Variants in SEC23IP observed in about 807,000 individuals in gnomAD.
SEC23IP encodes the protein SEC23-interacting protein.
A neutral mutation model predicts 113.4 loss-of-function variants in SEC23IP; 70 were observed. The observed-to-expected ratio is 0.62, with a 90% CI of 0.51 to 0.75. The LOEUF (loss-of-function observed/expected upper bound fraction) is 0.75, where lower values mean the gene tolerates loss of function less well. SEC23IP is among the 30% of genes least tolerant of loss of function. The probability of loss-of-function intolerance (pLI) is 0.00; values close to 1 mark genes in which losing one functional copy is unlikely to be tolerated. For missense variants in SEC23IP, 1,160 were observed against 1,204.9 expected (o/e 0.96, Z 0.55); for synonymous variants, 398 against 421.0 (o/e 0.95, Z 0.67).
chr10:119,892,814 G>A lies in SEC23IP; in HGVS notation c.32G>A (p.Gly11Asp). 7 of 1,612,716 alleles carry A rather than the reference G, an allele frequency of 4.3e-6. No homozygotes were observed. Among genetic ancestry groups the A allele is most frequent in the African/African-American group, 1.3e-5 (1 of 75,066 alleles). The change falls in exon 1 of 19, where the codon GGC becomes GAC. Residue 11 changes from glycine to aspartate, a missense_variant. Transcript: ENST00000369075. ...GAGAGAAAACCTAACGGTGGCAGCG[G>A]CGGCGCCTCCACTTCCTCATCGGGC... MAERKPNGGS[G>D]GASTSSSGTN...
Position 119,943,434 on chromosome 10 carries a change from T to A in SEC23IP, c.*2869T>A, listed in dbSNP as rs965500797. Reference sequence around the variant, plus strand: ...GGGTTAACCCCATCTCTACTAAAAATAAAAAAAATTAGCTGGGCATGGTGG... The same window carrying A: ...GGGTTAACCCCATCTCTACTAAAAAAAAAAAAAATTAGCTGGGCATGGTGG... On this transcript the variant is annotated 3_prime_UTR_variant, in exon 19 of 19. Transcript: ENST00000369075. 6 of 151,724 alleles carry A rather than the reference T, an allele frequency of 4.0e-5. No individual in the cohort carries two copies. Among genetic ancestry groups the A allele is most frequent in the African/African-American group, 1.2e-4 (5 of 41,288 alleles). The allele number at this position is 151,724 out of a possible 1,614,324, so 9.4% of individuals were successfully genotyped here.
chr10:119,906,034 G>A (rs1854651902), intron 4 of SEC23IP, among the ~76,000 whole-genome samples: 1 of 151,976 alleles, frequency 6.6e-6, no homozygotes, highest in Non-Finnish European at 1.5e-5. Context: ...CCAGCACTCT[G>A]GGAGGCCAAG....
intron 8 of SEC23IP, among the ~76,000 whole-genome samples, chr10:119,916,420 AT>A (rs1855054899): frequency 6.6e-6 from 1 of 152,192 alleles, no homozygotes; most frequent in African/African-American, 2.4e-5. Context: ...ACTCTGCTCA[AT>A]TTTGAATGCT....
Position 119,932,232 on chromosome 10 carries a change from C to G in SEC23IP, c.2672C>G (p.Ala891Gly). 1.2e-6 allele frequency: 2 copies of G among 1,613,644 alleles called. No individual in the cohort carries two copies. The highest frequency in any genetic ancestry group is 1.1e-5 in the South Asian group (1 of 91,074). The change falls in exon 16 of 19, where the codon GCT (alanine) becomes GGT (glycine). Residue 891 changes from alanine (A) to glycine (G), a missense_variant. Transcript: ENST00000369075. ...AWQTLNEFAR[A>G]HTSSTQLQEE... ...CAGACATTAAATGAGTTTGCCCGTG[C>G]TCATACGTCTTCAACCCAGTTGCAA...
In SEC23IP at chr10:119,930,365, G is replaced by A. The variant is rs920112589; in HGVS notation, c.2506G>A (p.Val836Ile). The change falls in exon 15 of 19, where the codon GTT becomes ATT. Residue 836 changes from valine to isoleucine, a missense_variant. Coordinates refer to ENST00000369075, the MANE Select transcript of SEC23IP (RefSeq NM_007190.4). ...GGCATATAGATTAGAACCTATGATT[G>A]TTCCAGATTTGGACCTAAAAGCTGT... ...PVAYRLEPMI[V>I]PDLDLKAVLI... 1 of 1,610,492 alleles carries A rather than the reference G, an allele frequency of 6.2e-7. No homozygotes were observed. Among genetic ancestry groups the A allele is most frequent in the Non-Finnish European group, 8.5e-7 (1 of 1,177,268 alleles).
At chr10:119,910,247 G>A (rs2253818) in intron 5 of SEC23IP, among the ~76,000 whole-genome samples, 41 of 152,230 alleles carry the variant, frequency 2.7e-4, no homozygotes, top group Middle Eastern at 3.4e-3. Context: ...AAGTAAAAAT[G>A]TGTCCTTTTT....
intron 11 of SEC23IP, among the ~76,000 whole-genome samples, chr10:119,919,801 GA>G (rs1227229589): frequency 1.3e-5 from 2 of 151,990 alleles, no homozygotes; most frequent in Non-Finnish European, 2.9e-5. Flanking sequence ...AGCCATCAAA[GA>G]AAAAAATTGT....
At chr10:119,929,892 T>C in intron 14 of SEC23IP, 130 bp downstream of exon 14, 1 of 599,856 alleles carries the variant, frequency 1.7e-6, no homozygotes, top group Non-Finnish European at 2.9e-6. Flanking sequence ...CAAGTGATCC[T>C]TCCATCACAG....
At position 119,932,239 on chromosome 10, in the gene SEC23IP, G is replaced by A. The variant is rs771952585; in HGVS notation, c.2679G>A (p.Thr893=). The A allele has an allele frequency of 9.3e-6, 15 of 1,613,708 alleles. No individual in the cohort carries two copies. Among genetic ancestry groups the A allele is most frequent in the African/African-American group, 5.3e-5 (4 of 74,900 alleles). ...TAAATGAGTTTGCCCGTGCTCATAC[G>A]TCTTCAACCCAGTTGCAAGAAGAAT... ...QTLNEFARAH[T]SSTQLQEELE... The change falls in exon 16 of 19, where the codon ACG becomes ACA. Residue 893 remains threonine (T), a synonymous_variant. Coordinates refer to ENST00000369075, the MANE Select transcript of SEC23IP (RefSeq NM_007190.4).
At position 119,942,855 on chromosome 10, in the gene SEC23IP, A is replaced by G. The variant is rs1855999896; in HGVS notation, c.*2290A>G. 1 of 152,228 alleles carries G rather than the reference A, an allele frequency of 6.6e-6. No homozygotes were observed. Among genetic ancestry groups the G allele is most frequent in the Non-Finnish European group, 1.5e-5 (1 of 68,046 alleles). 9.4% of individuals were successfully genotyped at this position (152,228 alleles called of 1,614,324 possible). ...GCATGTTTTCTCAAAACCACAGTAT[A>G]AGACAAGGAAACTGCACAGATTCGA... is the stretch of plus-strand genomic sequence containing the variant. On this transcript the variant is annotated 3_prime_UTR_variant, in exon 19 of 19. Coordinates refer to ENST00000369075, the MANE Select transcript of SEC23IP (RefSeq NM_007190.4).
In SEC23IP at chr10:119,898,556, A is replaced by G; in HGVS notation, c.293A>G (p.Gln98Arg). 1 of 1,614,202 alleles carries G rather than the reference A, an allele frequency of 6.2e-7. No individual in the cohort carries two copies. Among genetic ancestry groups the G allele is most frequent in the Non-Finnish European group, 8.5e-7 (1 of 1,180,040 alleles). The change falls in exon 2 of 19, where the codon CAG becomes CGG. Residue 98 changes from glutamine (Q) to arginine (R), a missense_variant. Gln to Arg is a conservative substitution (Grantham distance 43, BLOSUM62 1). Transcript: ENST00000369075. ...SSSDPFGNIG[Q>R]SPLTTAATSV... ...AGTGATCCTTTTGGGAATATTGGAC[A>G]GTCACCATTAACAACTGCAGCAACC... is the stretch of plus-strand genomic sequence containing the variant.
Position 119,904,145 on chromosome 10 carries a change from C to G in SEC23IP, c.969C>G (p.Leu323=). Residue 323 remains leucine (L), a synonymous_variant, in exon 4 of 19, where the codon CTC becomes CTG. Transcript: ENST00000369075. ...ATGGAGGGCGCTACGATGTTTACCT[C>G]TATGACCGAATAAGGAAGGCTGCCT... ...GTDGGRYDVY[L]YDRIRKAAYW... is the part of the protein sequence containing the mutation. 4 of 1,614,230 alleles carry G rather than the reference C, an allele frequency of 2.5e-6. No individual in the cohort carries two copies. The highest frequency in any genetic ancestry group is 4.5e-5 in the East Asian group (2 of 44,888).
intron 18 of SEC23IP, among the ~76,000 whole-genome samples, chr10:119,934,638 C>G (rs3847493): frequency 0.055 from 8,339 of 152,262 alleles, 430 homozygotes; most frequent in South Asian, 0.27. Flanking sequence ...AAGAATCAGA[C>G]ACAAAATGCT....
At chr10:119,912,195 G>C (rs765060085) in intron 6 of SEC23IP, 31 bp downstream of exon 6, 5 of 1,600,298 alleles carry the variant, frequency 3.1e-6, no homozygotes, top group Non-Finnish European at 3.4e-6. Flanking sequence ...ACTGAGGTCT[G>C]TTTTAGTCCT....
chr10:119,918,354 A>AC (rs748663627), intron 9 of SEC23IP, 39 bp from the exon 10 acceptor site: 1 of 1,194,028 alleles, frequency 8.4e-7, no homozygotes, highest in East Asian at 2.3e-5. Flanking sequence ...TTATAAAAGT[A>AC]CCTACTACAT....
intron 4 of SEC23IP, among the ~76,000 whole-genome samples, chr10:119,905,017 C>T (rs1486931454): frequency 1.3e-5 from 2 of 151,996 alleles, no homozygotes; most frequent in South Asian, 2.1e-4. Context: ...GCTAGTAGTC[C>T]GAGCTACTCG....
chr10:119,894,892 CTGTGTGTGTGTGTGTGTGTG>C (rs3065498), intron 1 of SEC23IP, among the ~76,000 whole-genome samples: 2 of 143,502 alleles, frequency 1.4e-5, no homozygotes, highest in Non-Finnish European at 3.1e-5. Context: ...TGGAGACAGT[CTGTGTGTGTGTGTGTGTGTG>C]TGTGTGTGTG....
At chr10:119,900,314 A>G (rs891498760) in intron 2 of SEC23IP, among the ~76,000 whole-genome samples, 1 of 149,550 alleles carries the variant, frequency 6.7e-6, no homozygotes, top group Non-Finnish European at 1.5e-5. Context: ...TATATATATA[A>G]AATTTTTTTT....
At position 119,904,163 on chromosome 10, in the gene SEC23IP, G is replaced by A. The variant is rs780160909; in HGVS notation, c.987G>A (p.Lys329=). ...YDVYLYDRIR[K]AAYWEEEPAE... is the part of the protein sequence containing the mutation. The stretch of plus-strand genomic sequence containing the variant: ...TTTACCTCTATGACCGAATAAGGAA[G>A]GCTGCCTACTGGGAAGAGGAGCCAG... The change falls in exon 4 of 19, where the codon AAG becomes AAA. Residue 329 remains lysine (K), a synonymous_variant. Coordinates refer to ENST00000369075, the MANE Select transcript of SEC23IP (RefSeq NM_007190.4). 14 of 1,614,226 alleles carry A rather than the reference G, an allele frequency of 8.7e-6. No homozygotes were observed. The highest frequency in any genetic ancestry group is 1.2e-5 in the Non-Finnish European group (14 of 1,180,042).
Sources: gnomAD v4.1 joint callset for allele counts (sites outside exome capture counted in the v4.1 genomes callset) on GRCh38, gnomAD v4.1.1 for gene constraint, MANE v1.5 for transcripts, NCBI Gene and HGNC (gene_info 2026-07-23, HGNC 2026-07-21) for gene names.